The following CADPS2 variants were observed in gnomAD, a reference collection of about 807,000 sequenced individuals.
CADPS2 encodes the protein calcium-dependent secretion activator 2.
In CADPS2, 93 loss-of-function variants were observed where a neutral mutation model predicts 172.5. The ratio of observed to expected loss-of-function variants is 0.54; its 90% CI spans 0.46 to 0.64. CADPS2 has a LOEUF of 0.64. CADPS2 is among the 30% of genes least tolerant of loss of function. The pLI is 0.00. For missense variants in CADPS2, 1,420 were observed against 1,565.9 expected, an observed-to-expected ratio of 0.91 and a Z score of 1.57; for synonymous variants, 546 against 555.2, an observed-to-expected ratio of 0.98 and a Z score of 0.23.
intron 15 of CADPS2, among the ~76,000 whole-genome samples, chr7:122,447,279 T>C (rs1045139125): frequency 2.0e-5 from 3 of 152,048 alleles, no homozygotes; most frequent in Non-Finnish European, 4.4e-5. Flanking sequence ...TGTCCTCTCT[T>C]TATACACTTA....
At chr7:122,810,394 C>T (rs1217192076) in intron 1 of CADPS2, among the ~76,000 whole-genome samples, 3 of 152,094 alleles carry the variant, frequency 2.0e-5, no homozygotes, top group Non-Finnish European at 4.4e-5. Context: ...TCTTCCAGGT[C>T]ATATGTATGA....
At chr7:122,877,207 C>G (rs555462530) in intron 1 of CADPS2, among the ~76,000 whole-genome samples, 1 of 152,256 alleles carries the variant, frequency 6.6e-6, no homozygotes, top group Admixed American at 6.5e-5. Flanking sequence ...AATTTGATAA[C>G]ATTCAGTATC....
chr7:122,527,617 A>AGAGAGAGAGAGAGTGTGTGTGT lies in CADPS2; in HGVS notation c.1476-14303_1476-14302insACACACACACTCTCTCTCTCTC. 1.8e-3 allele frequency among the ~76,000 whole-genome samples: 148 copies of AGAGAGAGAGAGAGTGTGTGTGT among 83,828 alleles called. 2 individuals carry two copies. The highest frequency in any genetic ancestry group is 3.2e-3 in the Non-Finnish European group (124 of 38,292). The allele number at this position is 83,828 out of a possible 152,430, so 55.0% of individuals were successfully genotyped here. A position where few individuals can be genotyped will look rare whatever the true frequency, so the allele number is the denominator to read the frequency against. Reference sequence around the variant, plus strand: ...GAGAGAGAGAGAGAGAGAGAGAGAGAGTGTGTGTGTGTGTGTGTGTGTGTG... The same window carrying AGAGAGAGAGAGAGTGTGTGTGT: ...GAGAGAGAGAGAGAGAGAGAGAGAGAGAGAGAGAGAGAGTGTGTGTGTGTGTGTGTGTGTGTGTGTGTGTGTG... On this transcript the variant is annotated intron_variant, in intron 8 of 29. Transcript: ENST00000449022.
chr7:122,656,910 T>C (rs933741638), intron 3 of CADPS2, among the ~76,000 whole-genome samples: 4 of 152,240 alleles, frequency 2.6e-5, no homozygotes, highest in African/African-American at 7.2e-5. Context: ...TGGTATTGCC[T>C]AGGTTTTCTT....
chr7:122,440,995 G>C (rs1373402029), intron 16 of CADPS2, among the ~76,000 whole-genome samples: 1 of 152,024 alleles, frequency 6.6e-6, no homozygotes, highest in Non-Finnish European at 1.5e-5. Context: ...TATTTTGTGG[G>C]GGAGAAACAT....
intron 28 of CADPS2, among the ~76,000 whole-genome samples, chr7:122,339,394 T>C (rs533948897): frequency 1.3e-5 from 2 of 152,274 alleles, no homozygotes; most frequent in African/African-American, 4.8e-5. Flanking sequence ...CCATGTTTTG[T>C]TGATTTCAAC....
chr7:122,820,571 T>G lies in CADPS2; in HGVS notation c.339+65428A>C, dbSNP rs1257009783. On this transcript the variant is annotated intron_variant, in intron 1 of 29. Coordinates refer to ENST00000449022, the MANE Select transcript of CADPS2 (RefSeq NM_017954.11). ...TTTGTTTTTTGTTTTTTTTTTTTTTTTTTTTTGAGACGGAGTCTCGCTCTG... is the reference window on the plus strand; with the variant it reads ...TTTGTTTTTTGTTTTTTTTTTTTTTGTTTTTTGAGACGGAGTCTCGCTCTG... 6.5e-5 allele frequency among the ~76,000 whole-genome samples: 8 copies of G among 122,362 alleles called. 1 individual carries two copies. The highest frequency in any genetic ancestry group is 2.6e-4 in the African/African-American group (8 of 30,780). 80.3% of individuals were successfully genotyped at this position (122,362 alleles called of 152,430 possible).
intron 1 of CADPS2, among the ~76,000 whole-genome samples, chr7:122,851,934 T>C (rs1054795501): frequency 1.3e-5 from 2 of 152,180 alleles, no homozygotes; most frequent in Admixed American, 6.5e-5. Flanking sequence ...GCATCTTTCA[T>C]GCATCAATGT....
intron 1 of CADPS2, among the ~76,000 whole-genome samples, chr7:122,872,992 G>A (rs1322249116): frequency 2.0e-5 from 3 of 152,130 alleles, no homozygotes; most frequent in African/African-American, 7.2e-5. Flanking sequence ...CGAAGGAAGA[G>A]TTATATTGTT....
At chr7:122,589,902 T>C (rs950899255) in intron 6 of CADPS2, among the ~76,000 whole-genome samples, 2 of 151,942 alleles carry the variant, frequency 1.3e-5, no homozygotes, top group African/African-American at 2.4e-5. Flanking sequence ...CAATCATTTA[T>C]TGAGGTATAG....
rs28655884 is a variant in CADPS2, at chr7:122,772,443, C to T, written c.340-35375G>A. ...AAAGCTAGACCAAAATTTTAAAATG[C>T]CACTTTACTTTTAGATACTACATTC... On this transcript the variant is annotated intron_variant, in intron 1 of 29. Coordinates refer to ENST00000449022, the MANE Select transcript of CADPS2 (RefSeq NM_017954.11). Among the ~76,000 whole-genome samples the T allele has an allele frequency of 8.6e-4, 131 of 152,162 alleles. 2 individuals carry two copies. The highest frequency in any genetic ancestry group is 2.7e-3 in the Admixed American group (41 of 15,268).
At chr7:122,494,616 TAG>T (rs2058585638) in intron 9 of CADPS2, among the ~76,000 whole-genome samples, 1 of 151,612 alleles carries the variant, frequency 6.6e-6, no homozygotes, top group Non-Finnish European at 1.5e-5. Flanking sequence ...GGTGAAATGA[TAG>T]GTTATTTTAT....
intron 1 of CADPS2, among the ~76,000 whole-genome samples, chr7:122,856,709 A>G (rs1321898756): frequency 6.6e-6 from 1 of 152,230 alleles, no homozygotes; most frequent in Non-Finnish European, 1.5e-5. Flanking sequence ...AAAACAAGAT[A>G]TCTTTTGTGT....
At chr7:122,651,956 T>C (rs1416239203) in intron 3 of CADPS2, among the ~76,000 whole-genome samples, 1 of 152,198 alleles carries the variant, frequency 6.6e-6, no homozygotes, top group Non-Finnish European at 1.5e-5. Context: ...ATATCTCAAA[T>C]ACAGCCCCAT....
chr7:122,779,978 A>T (rs564287620), intron 1 of CADPS2, among the ~76,000 whole-genome samples: 2 of 152,130 alleles, frequency 1.3e-5, no homozygotes, highest in Non-Finnish European at 1.5e-5. Context: ...ATGCTAAAAA[A>T]TTCCTCAAAG....
chr7:122,709,243 C>T (rs561031972), intron 2 of CADPS2, among the ~76,000 whole-genome samples: 1 of 151,956 alleles, frequency 6.6e-6, no homozygotes, highest in Non-Finnish European at 1.5e-5. Flanking sequence ...TCCTAAGCCA[C>T]AAGGATATGA....
chr7:122,381,655 T>G lies in CADPS2; in HGVS notation c.3313-2213A>C, dbSNP rs1366719259. Among the ~76,000 whole-genome samples, 58 of 152,054 alleles carry G rather than the reference T, an allele frequency of 3.8e-4. 2 individuals carry two copies. The highest frequency in any genetic ancestry group is 3.8e-3 in the Admixed American group (58 of 15,258). ...AAAAGCAGTGAAAGTCAGTGGACAC[T>G]AGGAACCATTAAATTCTCCTATAAT... is the stretch of plus-strand genomic sequence containing the variant. On this transcript the variant is annotated intron_variant, in intron 24 of 29. Coordinates refer to ENST00000449022, the MANE Select transcript of CADPS2 (RefSeq NM_017954.11).
chr7:122,532,522 A>T (rs1214001830), intron 8 of CADPS2, among the ~76,000 whole-genome samples: 6 of 150,980 alleles, frequency 4.0e-5, no homozygotes, highest in Non-Finnish European at 8.9e-5. Flanking sequence ...CCGCACTCCG[A>T]CCTCTCCCCA....
intron 1 of CADPS2, among the ~76,000 whole-genome samples, chr7:122,760,740 C>T (rs983680507): frequency 1.4e-5 from 2 of 144,270 alleles, no homozygotes; most frequent in African/African-American, 5.2e-5. Context: ...CATGTTCTCA[C>T]TCATAGGTGG....
Sources: allele counts gnomAD v4.1 joint callset (sites outside exome capture counted in the v4.1 genomes callset), GRCh38; gene constraint gnomAD v4.1.1; transcripts MANE v1.5; gene names NCBI Gene and HGNC (gene_info 2026-07-23, HGNC 2026-07-21).